CRTAC1: variants seen among roughly 807,000 people sequenced by gnomAD.
CRTAC1 encodes acidic secreted protein in cartilage.
CRTAC1 carries 37 observed loss-of-function variants against 67.8 expected under a neutral mutation model. The ratio of observed to expected loss-of-function variants is 0.55; its 90% CI spans 0.42 to 0.72. The LOEUF is 0.72. Among genes scored for constraint, CRTAC1 ranks in the 30% least tolerant of loss-of-function variants. CRTAC1 has a pLI of 0.00. For missense variants in CRTAC1, 780 were observed against 931.6 expected (o/e 0.84, Z 2.12); for synonymous variants, 348 against 371.0 (o/e 0.94, Z 0.71).
At chr10:97,950,240 CACACACAG>C (rs1326846583) in intron 2 of CRTAC1, among the ~76,000 whole-genome samples, 8 of 104,224 alleles carry the variant, frequency 7.7e-5, no homozygotes, top group African/African-American at 2.6e-4. Flanking sequence ...CGTGCACACA[CACACACAG>C]AGAGAGAGAG....
chr10:97,925,195 C>T (rs1361963049), intron 3 of CRTAC1, among the ~76,000 whole-genome samples: 1 of 152,150 alleles, frequency 6.6e-6, no homozygotes, highest in Non-Finnish European at 1.5e-5. Context: ...CACCTGAGCC[C>T]AGGAGGTAGA....
At chr10:97,896,720 C>T (rs1012857568) in intron 9 of CRTAC1, among the ~76,000 whole-genome samples, 189 bp downstream of exon 9, 7 of 152,218 alleles carry the variant, frequency 4.6e-5, no homozygotes, top group Non-Finnish European at 7.3e-5. Context: ...TCCTCTGCTT[C>T]CTGCCTGGCC....
chr10:98,001,781 C>T (rs896349572), intron 2 of CRTAC1, among the ~76,000 whole-genome samples: 7 of 152,224 alleles, frequency 4.6e-5, no homozygotes, highest in Middle Eastern at 6.8e-3. Context: ...TCTAGACACC[C>T]GCACCTCAAA....
intron 2 of CRTAC1, among the ~76,000 whole-genome samples, chr10:97,955,912 G>C (rs1367060448): frequency 2.0e-5 from 3 of 152,186 alleles, no homozygotes; most frequent in Non-Finnish European, 4.4e-5. Context: ...GGGAGCTGTG[G>C]GGCTTTCTTG....
intron 2 of CRTAC1, among the ~76,000 whole-genome samples, chr10:97,969,934 C>G (rs1213899754): frequency 6.6e-6 from 1 of 152,174 alleles, no homozygotes; most frequent in South Asian, 2.1e-4. Flanking sequence ...CACCCCAGAC[C>G]TCTTCCCTGA....
chr10:97,893,489 C>T (rs966136700), intron 11 of CRTAC1, among the ~76,000 whole-genome samples: 4 of 152,166 alleles, frequency 2.6e-5, no homozygotes, highest in African/African-American at 9.7e-5. Flanking sequence ...ATGTTTTTTC[C>T]ATCACTGTAA....
chr10:97,933,843 A>G (rs1199877760), intron 3 of CRTAC1, among the ~76,000 whole-genome samples: 1 of 152,208 alleles, frequency 6.6e-6, no homozygotes, highest in South Asian at 2.1e-4. Context: ...GTATGCAGGA[A>G]TCGCCTGGAG....
chr10:97,901,253 T>C (rs2050536029), intron 8 of CRTAC1, among the ~76,000 whole-genome samples: 1 of 152,202 alleles, frequency 6.6e-6, no homozygotes, highest in Non-Finnish European at 1.5e-5. Context: ...TTGGGCCACA[T>C]TTCCCTTCCC....
intron 11 of CRTAC1, among the ~76,000 whole-genome samples, chr10:97,893,799 T>G (rs917850408): frequency 1.8e-4 from 27 of 152,282 alleles, no homozygotes; most frequent in African/African-American, 6.5e-4. Context: ...GTTTTCCGTC[T>G]TTATAATTTT....
At chr10:98,001,693 G>A (rs1176637807) in intron 2 of CRTAC1, among the ~76,000 whole-genome samples, 1 of 152,228 alleles carries the variant, frequency 6.6e-6, no homozygotes, top group East Asian at 1.9e-4. Context: ...GCAAGCAGGT[G>A]AAGGTAAACT....
At chr10:97,978,455 C>G (rs1255943643) in intron 2 of CRTAC1, among the ~76,000 whole-genome samples, 2 of 152,164 alleles carry the variant, frequency 1.3e-5, no homozygotes, top group African/African-American at 4.8e-5. Context: ...AATGAGACGA[C>G]AGATGTAAAG....
chr10:97,882,357 G>A (rs1263870223), intron 13 of CRTAC1, among the ~76,000 whole-genome samples: 12 of 152,268 alleles, frequency 7.9e-5, no homozygotes, highest in Admixed American at 5.9e-4. Context: ...TGCAGTCTCC[G>A]TTCCACACTG....
In CRTAC1 at chr10:97,928,514, G is replaced by A. The variant is rs150940293; in HGVS notation, c.422-5114C>T. On this transcript the variant is annotated intron_variant, in intron 3 of 14. Transcript: ENST00000370597. ...TTAACCCTCACCAAAACCCCTCGAG[G>A]TGGGTACTATTTTCATGACCCCTTT... Among the ~76,000 whole-genome samples the A allele has an allele frequency of 1.0e-3, 155 of 152,318 alleles. 2 individuals carry two copies. Among genetic ancestry groups the A allele is most frequent in the African/African-American group, 3.4e-3 (142 of 41,564 alleles).
intron 4 of CRTAC1, among the ~76,000 whole-genome samples, chr10:97,919,255 G>A (rs911676559): frequency 3.9e-5 from 6 of 152,116 alleles, no homozygotes; most frequent in South Asian, 4.1e-4. Context: ...CAGAGAACAC[G>A]TACAGGATTT....
At chr10:98,010,221 G>A (rs1271194644) in intron 2 of CRTAC1, among the ~76,000 whole-genome samples, 2 of 152,040 alleles carry the variant, frequency 1.3e-5, no homozygotes, top group Non-Finnish European at 2.9e-5. Flanking sequence ...TGTATTTTTA[G>A]TAGAGACGGG....
chr10:97,894,569 T>G (rs1292967084), intron 11 of CRTAC1, among the ~76,000 whole-genome samples: 3 of 150,558 alleles, frequency 2.0e-5, no homozygotes, highest in African/African-American at 7.3e-5. Context: ...CTATTTTTTT[T>G]GTACTTTTGG....
intron 2 of CRTAC1, among the ~76,000 whole-genome samples, chr10:97,959,679 C>T (rs2051493201): frequency 6.6e-6 from 1 of 152,250 alleles, no homozygotes; most frequent in Non-Finnish European, 1.5e-5. Flanking sequence ...CAACTCACCG[C>T]CACTGGGCCA....
rs372577689 is a variant in CRTAC1 at position 97,897,366 on chromosome 10, A to G, written c.1134-375T>C. ...GCTACCCAGGGTTTAACCCCACTCA[A>G]TGCTACCTCCTCCATGCCCTCTTGG... is the stretch of plus-strand genomic sequence containing the variant. On this transcript the variant is annotated intron_variant, in intron 8 of 14. Coordinates refer to ENST00000370597, the MANE Select transcript of CRTAC1 (RefSeq NM_018058.7). 4.6e-5 allele frequency among the ~76,000 whole-genome samples: 7 copies of G among 152,176 alleles called. No individual in the cohort carries two copies. The South Asian group carries it at 6.2e-4, about 14-fold the overall frequency.
At chr10:97,892,993 C>T (rs1412550630) in intron 11 of CRTAC1, among the ~76,000 whole-genome samples, 1 of 152,230 alleles carries the variant, frequency 6.6e-6, no homozygotes, top group Non-Finnish European at 1.5e-5. Context: ...AAACCACACG[C>T]TCAAGGAAGC....
Sources: gnomAD v4.1 joint callset for allele counts (sites outside exome capture counted in the v4.1 genomes callset) on GRCh38, gnomAD v4.1.1 for gene constraint, MANE v1.5 for transcripts, NCBI Gene and HGNC (gene_info 2026-07-23, HGNC 2026-07-21) for gene names.